The following PDK1 variants were observed in gnomAD, a reference collection of about 807,000 sequenced individuals.
PDK1 encodes the protein pyruvate dehydrogenase kinase 1, also known as [Pyruvate dehydrogenase (acetyl-transferring)] kinase isozyme 1, mitochondrial.
Under a neutral mutation model 54.2 loss-of-function variants are expected in PDK1, and 39 were observed. The ratio of observed to expected loss-of-function variants is 0.72; its 90% CI spans 0.56 to 0.94. PDK1 has a LOEUF of 0.94. Ranked by LOEUF, PDK1 falls within the 40% of genes least tolerant of loss-of-function variation. The pLI is 0.00. For missense variants in PDK1, 552 were observed against 566.0 expected (o/e 0.98, Z 0.25); for synonymous variants, 221 against 207.1 (o/e 1.07, Z -0.58).
At chr2:172,584,226 AAAGT>A (rs1470763282) in intron 8 of PDK1, among the ~76,000 whole-genome samples, 1 of 152,084 alleles carries the variant, frequency 6.6e-6, no homozygotes, top group African/African-American at 2.4e-5. Context: ...TTTTCCTGTT[AAAGT>A]AATTGTGAAG....
the PDK1 span, among the ~76,000 whole-genome samples, chr2:172,660,701 G>C: frequency 2.0e-5 from 3 of 151,954 alleles, no homozygotes; most frequent in Admixed American, 1.3e-4. Context: ...TCTGCTTGGT[G>C]GGGGCAGCCC....
chr2:172,557,418 T>C (rs1397384136), intron 1 of PDK1, among the ~76,000 whole-genome samples: 1 of 152,226 alleles, frequency 6.6e-6, no homozygotes, highest in Non-Finnish European at 1.5e-5. Context: ...TAAATGGAGC[T>C]GTTTGCCAAA....
In PDK1 at chr2:172,558,730, G is replaced by A. The variant is rs149724601; in HGVS notation, c.219G>A (p.Lys73=). The A allele has an allele frequency of 7.8e-3, 12,548 of 1,608,364 alleles. 86 individuals carry two copies. The highest frequency in any genetic ancestry group is 8.9e-3 in the Non-Finnish European group (10,441 of 1,178,406). ...CAGGATCAGTGAATGCTTGTGAAAA[G>A]ACCTCATTTATGTTTCTGCGGCAAG... The part of the protein sequence containing the change: ...LDFGSVNACE[K]TSFMFLRQEL... The change falls in exon 2 of 11, where the codon AAG becomes AAA. Residue 73 remains lysine (K), a synonymous_variant. Transcript: ENST00000282077.
chr2:172,668,906 T>TATATAGAG, the PDK1 span, among the ~76,000 whole-genome samples: 11 of 130,650 alleles, frequency 8.4e-5, no homozygotes, highest in Admixed American at 3.9e-4. Context: ...TATATATATA[T>TATATAGAG]AGAGAGAGAG....
At chr2:172,566,480 C>G (rs764536707) in intron 5 of PDK1, among the ~76,000 whole-genome samples, 3 of 151,988 alleles carry the variant, frequency 2.0e-5, no homozygotes, top group Non-Finnish European at 4.4e-5. Flanking sequence ...TCGCTTGAAC[C>G]AGGGAGGTGG....
intron 8 of PDK1, among the ~76,000 whole-genome samples, chr2:172,573,022 A>G (rs764085260): frequency 1.3e-5 from 2 of 152,064 alleles, no homozygotes; most frequent in Non-Finnish European, 2.9e-5. Flanking sequence ...GTTTGTTTCT[A>G]TTTTTTGGTT....
the PDK1 span, among the ~76,000 whole-genome samples, chr2:172,681,099 A>G: frequency 7.9e-5 from 12 of 152,314 alleles, no homozygotes; most frequent in African/African-American, 2.6e-4. Context: ...TTTGGACTGT[A>G]ATAACTCTGA....
At position 172,595,371 on chromosome 2, in the gene PDK1, G is replaced by A. The variant is rs951494881; in HGVS notation, c.1171-458G>A. ...AGGCATAAGCCACCGTGCCTGGCTTGTGATGAGTTTTTTTTAAAGCACAGT... is the reference window on the plus strand; with the variant it reads ...AGGCATAAGCCACCGTGCCTGGCTTATGATGAGTTTTTTTTAAAGCACAGT... On this transcript the variant is annotated intron_variant, in intron 10 of 10. Coordinates refer to ENST00000282077, the MANE Select transcript of PDK1 (RefSeq NM_002610.5). Among the ~76,000 whole-genome samples, 15 of 152,080 alleles carry A rather than the reference G, an allele frequency of 9.9e-5. 1 individual carries two copies. Among genetic ancestry groups the A allele is most frequent in the Non-Finnish European group, 2.1e-4 (14 of 68,010 alleles).
rs1163216657 is a variant in PDK1, at chr2:172,598,901, T to G, written c.*2932T>G. 2 of 152,148 alleles carry G rather than the reference T, an allele frequency of 1.3e-5. No individual in the cohort carries two copies. The highest frequency in any genetic ancestry group is 2.9e-5 in the Non-Finnish European group (2 of 68,024). The allele number at this position is 152,148 out of a possible 1,614,324, so 9.4% of individuals were successfully genotyped here. A position where few individuals can be genotyped will look rare whatever the true frequency, so the allele number is the denominator to read the frequency against. On this transcript the variant is annotated 3_prime_UTR_variant, in exon 11 of 11. Coordinates refer to ENST00000282077, the MANE Select transcript of PDK1 (RefSeq NM_002610.5). ...CAACATTTTGTAAGCATCCAAAAAA[T>G]TGGTAATTAGGGGGCTTGCACTAAA...
At chr2:172,616,079 A>G in the PDK1 span, among the ~76,000 whole-genome samples, 3 of 152,328 alleles carry the variant, frequency 2.0e-5, no homozygotes, top group Non-Finnish European at 4.4e-5. Context: ...TCTATTTTAT[A>G]TCCCTTAGAC....
chr2:172,627,946 G>A, the PDK1 span, among the ~76,000 whole-genome samples: 6 of 152,238 alleles, frequency 3.9e-5, no homozygotes, highest in African/African-American at 7.2e-5. Flanking sequence ...TTCTTCCCGC[G>A]GGGCGTGGAG....
the PDK1 span, among the ~76,000 whole-genome samples, chr2:172,686,838 TC>T: frequency 1.3e-5 from 2 of 152,188 alleles, no homozygotes; most frequent in Non-Finnish European, 2.9e-5. Context: ...TGTCTATCTA[TC>T]TATATATCTA....
the PDK1 span, among the ~76,000 whole-genome samples, chr2:172,624,822 T>C: frequency 6.6e-6 from 1 of 151,910 alleles, no homozygotes; most frequent in Admixed American, 6.6e-5. Context: ...AACAGAAACC[T>C]TGTCTCTGTT....
At chr2:172,573,923 C>G (rs1174163298) in intron 8 of PDK1, among the ~76,000 whole-genome samples, 1 of 152,100 alleles carries the variant, frequency 6.6e-6, no homozygotes, top group Non-Finnish European at 1.5e-5. Context: ...GTCACCACAC[C>G]CAGCCAAAGT....
the PDK1 span, among the ~76,000 whole-genome samples, chr2:172,722,191 C>T: frequency 2.6e-5 from 4 of 152,350 alleles, no homozygotes; most frequent in East Asian, 7.7e-4. Context: ...GTCCTAATCC[C>T]TAATGACTGT....
the PDK1 span, among the ~76,000 whole-genome samples, chr2:172,649,975 G>A: frequency 1.3e-5 from 2 of 152,090 alleles, no homozygotes; most frequent in Non-Finnish European, 1.5e-5. Flanking sequence ...TCAAATTTAG[G>A]ACATACAGAG....
At chr2:172,625,762 T>C in the PDK1 span, among the ~76,000 whole-genome samples, 3 of 152,192 alleles carry the variant, frequency 2.0e-5, no homozygotes, top group Non-Finnish European at 1.5e-5. Context: ...ATTTGAGGTA[T>C]AAAGACTCTT....
At chr2:172,621,845 TGATAC>T in the PDK1 span, among the ~76,000 whole-genome samples, 1 of 120,602 alleles carries the variant, frequency 8.3e-6, no homozygotes, top group Non-Finnish European at 1.8e-5. Flanking sequence ...CTCATATGTA[TGATAC>T]ATGTTTATAT....
chr2:172,651,095 G>A, the PDK1 span, among the ~76,000 whole-genome samples: 3 of 152,198 alleles, frequency 2.0e-5, no homozygotes, highest in Non-Finnish European at 2.9e-5. Context: ...CTCAGCAGAT[G>A]TAAAAGAACA....
Sources: gnomAD v4.1 joint callset for allele counts (sites outside exome capture counted in the v4.1 genomes callset) on GRCh38, gnomAD v4.1.1 for gene constraint, MANE v1.5 for transcripts, NCBI Gene and HGNC (gene_info 2026-07-23, HGNC 2026-07-21) for gene names.